The following MSI2 variants were observed in gnomAD, a reference collection of about 807,000 sequenced individuals.
MSI2 encodes musashi RNA binding protein 2.
Under a neutral mutation model 45.6 loss-of-function variants are expected in MSI2, and 17 were observed. The observed-to-expected ratio is 0.37, with a 90% CI of 0.26 to 0.56. The LOEUF (loss-of-function observed/expected upper bound fraction) is 0.56, where lower values mean the gene tolerates loss of function less well. MSI2 is among the 20% of genes least tolerant of loss of function. The probability of loss-of-function intolerance (pLI) is 0.77; values close to 1 mark genes in which losing one functional copy is unlikely to be tolerated. For synonymous variants in MSI2, 156 were observed against 158.2 expected (o/e 0.99, Z 0.11); for missense variants, 293 against 444.2 (o/e 0.66, Z 3.06).
At chr17:57,568,875 G>A in intron 7 of MSI2, among the ~76,000 whole-genome samples, 1 of 152,224 alleles carries the variant, frequency 6.6e-6, no homozygotes, top group Middle Eastern at 3.2e-3. Context: ...ATTGGTGAGA[G>A]AGGAAAGGTT....
chr17:57,585,189 T>C (rs892479278), intron 7 of MSI2, among the ~76,000 whole-genome samples: 50 of 152,322 alleles, frequency 3.3e-4, no homozygotes, highest in African/African-American at 1.2e-3. Context: ...TACCTCTCCC[T>C]GTCCTGAATC....
At chr17:57,279,642 T>C (rs1400927276) in intron 5 of MSI2, 3 of 151,836 alleles carry the variant, frequency 2.0e-5, no homozygotes, top group African/African-American at 7.3e-5. Flanking sequence ...TTTCTTTTTC[T>C]TTCTTTTTTC....
chr17:57,505,925 G>A (rs2086217990), intron 6 of MSI2, among the ~76,000 whole-genome samples: 1 of 152,210 alleles, frequency 6.6e-6, no homozygotes. Context: ...CTGTAGCTGA[G>A]ACTTCTCTAA....
At chr17:57,276,567 T>C (rs939268472) in intron 5 of MSI2, among the ~76,000 whole-genome samples, 5 of 152,168 alleles carry the variant, frequency 3.3e-5, no homozygotes, top group African/African-American at 1.2e-4. Flanking sequence ...GAGGGGACAA[T>C]TACTAAAGAA....
intron 5 of MSI2, chr17:57,265,248 G>T: frequency 6.6e-6 from 1 of 152,206 alleles, no homozygotes; most frequent in Middle Eastern, 3.4e-3. Flanking sequence ...CTGTGTTTTT[G>T]TGTTCAGGTC....
intron 6 of MSI2, among the ~76,000 whole-genome samples, chr17:57,469,378 G>A (rs1314199588): frequency 6.6e-6 from 1 of 152,282 alleles, no homozygotes; most frequent in South Asian, 2.1e-4. Flanking sequence ...ATCACAGTTG[G>A]GCTATTATTT....
intron 5 of MSI2, among the ~76,000 whole-genome samples, chr17:57,315,676 G>A (rs370738170): frequency 2.5e-3 from 373 of 152,202 alleles, no homozygotes; most frequent in African/African-American, 8.6e-3. Context: ...AAACAAACCC[G>A]AACACCCAAA....
At chr17:57,277,053 C>CTTTTTT (rs34561938) in intron 5 of MSI2, among the ~76,000 whole-genome samples, 15 of 124,982 alleles carry the variant, frequency 1.2e-4, no homozygotes, top group African/African-American at 1.8e-4. Flanking sequence ...GTTTTCTTTT[C>CTTTTTT]TTTTTTTTTT....
chr17:57,327,547 G>A (rs529009353), intron 5 of MSI2, among the ~76,000 whole-genome samples: 3 of 152,220 alleles, frequency 2.0e-5, no homozygotes, highest in Non-Finnish European at 4.4e-5. Context: ...CACAAGAAGT[G>A]TTCTATTCAA....
chr17:57,531,302 A>C (rs750998248), intron 7 of MSI2, among the ~76,000 whole-genome samples: 1 of 152,072 alleles, frequency 6.6e-6, no homozygotes, highest in Non-Finnish European at 1.5e-5. Context: ...TAATCATAGA[A>C]CCTCCTCACA....
At chr17:57,489,761 T>C (rs2085831949) in intron 6 of MSI2, among the ~76,000 whole-genome samples, 1 of 152,212 alleles carries the variant, frequency 6.6e-6, no homozygotes. Flanking sequence ...TGCCGGACAC[T>C]GGTGACTGAG....
At chr17:57,350,392 C>T (rs540668497) in intron 5 of MSI2, among the ~76,000 whole-genome samples, 5 of 152,228 alleles carry the variant, frequency 3.3e-5, no homozygotes, top group East Asian at 3.9e-4. Flanking sequence ...TGCCAATTTT[C>T]GGTTTGTGCA....
chr17:57,553,816 C>T (rs1462971661), intron 7 of MSI2, among the ~76,000 whole-genome samples: 1 of 152,140 alleles, frequency 6.6e-6, no homozygotes, highest in Non-Finnish European at 1.5e-5. Flanking sequence ...AGCCGGCAGC[C>T]CTTCTGTGAT....
chr17:57,338,973 G>A lies in MSI2; in HGVS notation c.313-62406G>A, dbSNP rs1387341487. On this transcript the variant is annotated intron_variant, in intron 5 of 13. Transcript: ENST00000284073. Reference sequence around the variant, plus strand: ...TCCAGATCAATTTGGCTTGTCAGGGGTGCCAGGCTTAAGTTTTCAGGCATC... The same window carrying A: ...TCCAGATCAATTTGGCTTGTCAGGGATGCCAGGCTTAAGTTTTCAGGCATC... Among the ~76,000 whole-genome samples, 5 of 152,202 alleles carry A rather than the reference G, an allele frequency of 3.3e-5. No individual in the cohort carries two copies. In the South Asian group the frequency reaches 6.2e-4, roughly 19 times the overall value.
chr17:57,356,014 C>G (rs898876218), intron 5 of MSI2, among the ~76,000 whole-genome samples: 2 of 152,162 alleles, frequency 1.3e-5, no homozygotes, highest in African/African-American at 4.8e-5. Context: ...ACTGGGATTA[C>G]AGGCACCCAC....
intron 6 of MSI2, chr17:57,448,551 A>C (rs1469265173): frequency 2.0e-5 from 3 of 152,264 alleles, no homozygotes; most frequent in Non-Finnish European, 4.4e-5. Context: ...CCAGGCTGTT[A>C]GTAACAAACA....
intron 6 of MSI2, among the ~76,000 whole-genome samples, chr17:57,481,927 T>C (rs118118230): frequency 1.3e-5 from 2 of 152,372 alleles, no homozygotes; most frequent in Non-Finnish European, 2.9e-5. Flanking sequence ...CAGCTTCTTA[T>C]GAAATCAGTA....
chr17:57,566,074 G>T (rs2144277874), intron 7 of MSI2: 1 of 152,344 alleles, frequency 6.6e-6, no homozygotes, highest in Non-Finnish European at 1.5e-5. Flanking sequence ...CACATCTGCA[G>T]ATAGGGTTCG....
chr17:57,692,545 A>G, the MSI2 span, among the ~76,000 whole-genome samples: 2 of 152,030 alleles, frequency 1.3e-5, no homozygotes, highest in Admixed American at 6.6e-5. Flanking sequence ...TGTAAATCCA[A>G]GTTTTCTTTG....
Sources: allele counts gnomAD v4.1 joint callset (sites outside exome capture counted in the v4.1 genomes callset), GRCh38; gene constraint gnomAD v4.1.1; transcripts MANE v1.5; gene names NCBI Gene and HGNC (gene_info 2026-07-23, HGNC 2026-07-21).